The following STK33 variants were observed in gnomAD, a reference collection of about 807,000 sequenced individuals.
STK33 encodes the protein serine/threonine kinase 33.
Under a neutral mutation model 58.0 loss-of-function variants are expected in STK33, and 52 were observed. The ratio of observed to expected loss-of-function variants is 0.90; its 90% confidence interval spans 0.72 to 1.13. The LOEUF is 1.13. Among genes scored for constraint, STK33 ranks in the 50% most tolerant of loss-of-function variants. The probability of loss-of-function intolerance (pLI) is 0.00; values close to 1 mark genes in which losing one functional copy is unlikely to be tolerated. For missense variants in STK33, 630 were observed against 604.2 expected (o/e 1.04, Z -0.45); for synonymous variants, 215 against 200.1 (o/e 1.07, Z -0.63).
At chr11:8,440,540 G>C (rs1163303782) in intron 12 of STK33, 138 bp downstream of exon 12, 3 of 617,722 alleles carry the variant, frequency 4.9e-6, no homozygotes, top group African/African-American at 1.9e-5. Flanking sequence ...ACTAATAAGA[G>C]AGCTTTTAGA....
intron 14 of STK33, among the ~76,000 whole-genome samples, chr11:8,430,304 C>T (rs937913076): frequency 1.3e-5 from 2 of 151,990 alleles, no homozygotes; most frequent in African/African-American, 4.8e-5. Flanking sequence ...TTCCTTACCC[C>T]GACTCCTACA....
At chr11:8,360,598 T>C in the STK33 span, among the ~76,000 whole-genome samples, 10 of 152,382 alleles carry the variant, frequency 6.6e-5, no homozygotes, top group Non-Finnish European at 1.5e-4. Flanking sequence ...AATCAAGGTG[T>C]CAGCTGTTGC....
chr11:8,354,516 A>ACACACACACACACACACACACACACC, the STK33 span, among the ~76,000 whole-genome samples: 5 of 127,658 alleles, frequency 3.9e-5, no homozygotes, highest in South Asian at 2.6e-4. Flanking sequence ...ACACACACAC[A>ACACACACACACACACACACACACACC]CCCCTCAGAC....
At chr11:8,346,710 G>A in the STK33 span, among the ~76,000 whole-genome samples, 17 of 152,248 alleles carry the variant, frequency 1.1e-4, 1 homozygote, top group African/African-American at 4.1e-4. Flanking sequence ...CGGCCTCCTC[G>A]TGTCTTCCCA....
chr11:8,471,952 G>GTC (rs1480661291), intron 6 of STK33, among the ~76,000 whole-genome samples: 3 of 151,956 alleles, frequency 2.0e-5, no homozygotes, highest in Non-Finnish European at 4.4e-5. Context: ...TGGAGACAAG[G>GTC]TCTCACTCTG....
chr11:8,416,280 C>T (rs12808779), intron 14 of STK33, among the ~76,000 whole-genome samples: 26,670 of 152,098 alleles, frequency 0.18, 2,697 homozygotes, highest in South Asian at 0.31. Flanking sequence ...AAAAAAGATG[C>T]TCCCTCTGTC....
intron 1 of STK33, among the ~76,000 whole-genome samples, chr11:8,576,138 G>A (rs1042808880): frequency 1.3e-5 from 2 of 152,106 alleles, no homozygotes; most frequent in Non-Finnish European, 2.9e-5. Flanking sequence ...AATGAAGAGA[G>A]ACTTCTAAAA....
intron 1 of STK33, among the ~76,000 whole-genome samples, chr11:8,555,538 G>A (rs1394177898): frequency 6.6e-6 from 1 of 151,932 alleles, no homozygotes; most frequent in African/African-American, 2.4e-5. Flanking sequence ...GGTGGTGAGC[G>A]CCTGTAATCC....
At chr11:8,436,258 A>G (rs1944052439) in intron 12 of STK33, 119 bp from the exon 13 acceptor site, 1 of 514,772 alleles carries the variant, frequency 1.9e-6, no homozygotes, top group South Asian at 4.0e-5. Context: ...AAGGATGGGA[A>G]GAGATGGGTA....
At chr11:8,380,450 C>T in the STK33 span, among the ~76,000 whole-genome samples, 6 of 151,872 alleles carry the variant, frequency 4.0e-5, no homozygotes, top group East Asian at 1.2e-3. Flanking sequence ...ATCCCAGCTA[C>T]TCAGGAGGCT....
intron 1 of STK33, among the ~76,000 whole-genome samples, chr11:8,581,207 C>A (rs1451709866): frequency 2.0e-5 from 3 of 152,074 alleles, no homozygotes; most frequent in Non-Finnish European, 2.9e-5. Flanking sequence ...TTAACTCAGC[C>A]CATTTTCTTA....
chr11:8,563,199 T>C (rs1957231484), intron 1 of STK33, among the ~76,000 whole-genome samples: 1 of 152,156 alleles, frequency 6.6e-6, no homozygotes, highest in Non-Finnish European at 1.5e-5. Context: ...TCTTTTTTCT[T>C]GGGATACCCA....
the STK33 span, among the ~76,000 whole-genome samples, chr11:8,351,415 C>A: frequency 1.2e-4 from 18 of 152,216 alleles, no homozygotes; most frequent in Non-Finnish European, 2.5e-4. Flanking sequence ...GACCCGGTGG[C>A]CATCAGCCTC....
chr11:8,513,553 G>A (rs1048285545), intron 1 of STK33, among the ~76,000 whole-genome samples: 5 of 152,106 alleles, frequency 3.3e-5, no homozygotes, highest in Admixed American at 3.3e-4. Context: ...TACACTGCTC[G>A]TAGATCCAAA....
intron 1 of STK33, among the ~76,000 whole-genome samples, chr11:8,512,456 A>C (rs1952414528): frequency 6.6e-6 from 1 of 152,178 alleles, no homozygotes; most frequent in African/African-American, 2.4e-5. Flanking sequence ...AGCAAGGTAA[A>C]AAATGAAGAG....
chr11:8,502,176 A>G (rs976582304), intron 1 of STK33, among the ~76,000 whole-genome samples: 1 of 152,176 alleles, frequency 6.6e-6, no homozygotes, highest in Non-Finnish European at 1.5e-5. Flanking sequence ...TTAAAAATTA[A>G]GTCGTCCCTA....
At chr11:8,387,427 C>T (rs574454952), downstream of STK33, among the ~76,000 whole-genome samples, 2 of 152,336 alleles carry the variant, frequency 1.3e-5, no homozygotes, top group Admixed American at 6.5e-5. Context: ...AGACCTTGGA[C>T]ATTAAGACCT....
intron 4 of STK33, among the ~76,000 whole-genome samples, 170 bp downstream of exon 4, chr11:8,476,517 A>T (rs10840056): frequency 6.6e-6 from 1 of 151,876 alleles, no homozygotes; most frequent in African/African-American, 2.4e-5. Context: ...TAATATGCCA[A>T]GTATACTCCC....
At chr11:8,432,186 A>C (rs1439071109) in intron 14 of STK33, among the ~76,000 whole-genome samples, 3 of 152,220 alleles carry the variant, frequency 2.0e-5, no homozygotes, top group Non-Finnish European at 2.9e-5. Context: ...TAAAAGAAAA[A>C]CTGACTTCCT....
Sources: gnomAD v4.1 joint callset for allele counts (sites outside exome capture counted in the v4.1 genomes callset) on GRCh38, gnomAD v4.1.1 for gene constraint, MANE v1.5 for transcripts, NCBI Gene and HGNC (gene_info 2026-07-23, HGNC 2026-07-21) for gene names.